VCPIP1: variants seen among roughly 807,000 people sequenced by gnomAD.
VCPIP1 encodes the protein valosin containing protein interacting protein 1.
In VCPIP1, 8 loss-of-function variants were observed where a neutral mutation model predicts 85.0. The observed-to-expected ratio is 0.09, with a 90% CI of 0.06 to 0.17. VCPIP1 has a LOEUF of 0.17. VCPIP1 is among the 10% of genes least tolerant of loss of function. The pLI, the probability that VCPIP1 is intolerant of heterozygous loss-of-function variation, is 1.00. For missense variants in VCPIP1, 1,070 were observed against 1,486.3 expected, an observed-to-expected ratio of 0.72 and a Z score of 4.61; for synonymous variants, 543 against 544.5, an observed-to-expected ratio of 1.00 and a Z score of 0.04.
chr8:66,637,145 T>A (rs1444298360), intron 2 of VCPIP1, among the ~76,000 whole-genome samples: 1 of 150,872 alleles, frequency 6.6e-6, no homozygotes, highest in Admixed American at 6.6e-5. Context: ...AGGCTAGGAG[T>A]TTGATACCAG....
At position 66,630,671 on chromosome 8, in the gene VCPIP1, T is replaced by C. The variant is rs993311051; in HGVS notation, c.*3830A>G. 5.9e-5 allele frequency: 9 copies of C among 152,630 alleles called. No individual in the cohort carries two copies. Among genetic ancestry groups the C allele is most frequent in the African/African-American group, 2.2e-4 (9 of 41,476 alleles). The allele number at this position is 152,630 out of a possible 1,614,324, so 9.5% of individuals were successfully genotyped here. A position where few individuals can be genotyped will look rare whatever the true frequency, so the allele number is the denominator to read the frequency against. On this transcript the variant is annotated 3_prime_UTR_variant, in exon 3 of 3. Transcript: ENST00000310421. ...TAGTCTCCATAATTAAAAAATTAAA[T>C]GTCAGATATACAAGTAATGGCATTT...
chr8:66,637,864 C>T (rs576849640), intron 2 of VCPIP1, among the ~76,000 whole-genome samples: 5 of 151,890 alleles, frequency 3.3e-5, no homozygotes, highest in Non-Finnish European at 7.4e-5. Context: ...CCCAGCTACT[C>T]GGGAGGCTGA....
In VCPIP1 at chr8:66,629,212, T is replaced by C. The variant is rs1431300538; in HGVS notation, c.*5289A>G. The C allele has an allele frequency of 6.6e-6, 1 of 152,146 alleles. No individual in the cohort carries two copies. Among genetic ancestry groups the C allele is most frequent in the Non-Finnish European group, 1.5e-5 (1 of 68,040 alleles). The allele number at this position is 152,146 out of a possible 1,614,324, so 9.4% of individuals were successfully genotyped here. Reference sequence around the variant, plus strand: ...AAGACAGCCACCCTGGGAGCAGATGTGATCATCATCCTCGCAGAGAGGAAT... The same window carrying C: ...AAGACAGCCACCCTGGGAGCAGATGCGATCATCATCCTCGCAGAGAGGAAT... On this transcript the variant is annotated 3_prime_UTR_variant, in exon 3 of 3. Transcript: ENST00000310421.
At chr8:66,659,597 A>G (rs1230150816) in intron 1 of VCPIP1, among the ~76,000 whole-genome samples, 1 of 152,160 alleles carries the variant, frequency 6.6e-6, no homozygotes, top group Non-Finnish European at 1.5e-5. Context: ...AATGAAAGAA[A>G]AAGCTCATGT....
At chr8:66,647,022 C>G (rs1811002195) in intron 2 of VCPIP1, among the ~76,000 whole-genome samples, 2 of 151,844 alleles carry the variant, frequency 1.3e-5, no homozygotes, top group South Asian at 4.2e-4. Context: ...AAGACTCTGT[C>G]TCAAAAATAA....
chr8:66,665,821 C>T lies in VCPIP1; in HGVS notation c.1138G>A (p.Val380Met). The change falls in exon 1 of 3, where the codon GTG (valine) becomes ATG (methionine). Residue 380 changes from valine (V) to methionine (M), a missense_variant. By Grantham distance (21) the Val-to-Met change is conservative (BLOSUM62 1). Coordinates refer to ENST00000310421, the MANE Select transcript of VCPIP1 (RefSeq NM_025054.5). The surrounding 1 kb of genome is among the most constrained non-coding windows in gnomAD (Gnocchi z 4.3). ...TACTTTTTAATAAGGTCCTGAGGCA[C>T]ACCCCATGCTTTAGGAAGCAAATTC... ...PMNLLPKAWG[V>M]PQDLIKKYIK... 3 of 1,614,218 alleles carry T rather than the reference C, an allele frequency of 1.9e-6. No individual in the cohort carries two copies. Among genetic ancestry groups the T allele is most frequent in the South Asian group, 1.1e-5 (1 of 91,084 alleles).
chr8:66,638,968 C>CTATATATATATATATATATATATATA (rs1432062184), intron 2 of VCPIP1, among the ~76,000 whole-genome samples: 1 of 127,002 alleles, frequency 7.9e-6, no homozygotes, highest in African/African-American at 3.5e-5. Flanking sequence ...CTCTCTCTCT[C>CTATATATATATATATATATATATATA]TCTATATATA....
Position 66,666,995 on chromosome 8 carries a change from C to T in VCPIP1, c.-37G>A, listed in dbSNP as rs771001598. 3 of 1,484,266 alleles carry T rather than the reference C, an allele frequency of 2.0e-6. No homozygotes were observed. The highest frequency in any genetic ancestry group is 8.9e-7 in the Non-Finnish European group (1 of 1,124,488). 91.9% of individuals were successfully genotyped at this position (1,484,266 alleles called of 1,614,324 possible). A position where few individuals can be genotyped will look rare whatever the true frequency, so the allele number is the denominator to read the frequency against. The stretch of plus-strand genomic sequence containing the variant: ...CTCGTGTCTCGCTCCGCGTCCCAGG[C>T]GACCCTCAAAAGCTCATAGCCCAGA... On this transcript the variant is annotated 5_prime_UTR_variant, in exon 1 of 3. Coordinates refer to ENST00000310421, the MANE Select transcript of VCPIP1 (RefSeq NM_025054.5). The surrounding 1 kb of genome is among the most constrained non-coding windows in gnomAD (Gnocchi z 6.3).
intron 2 of VCPIP1, among the ~76,000 whole-genome samples, chr8:66,642,721 A>G (rs1460998507): frequency 6.6e-6 from 1 of 152,242 alleles, no homozygotes; most frequent in Non-Finnish European, 1.5e-5. Context: ...CAACACAGTT[A>G]ACATTTAAAA....
chr8:66,632,123 G>A lies in VCPIP1; in HGVS notation c.*2378C>T. 1 of 150,554 alleles carries A rather than the reference G, an allele frequency of 6.6e-6. No individual in the cohort carries two copies. The highest frequency in any genetic ancestry group is 1.9e-4 in the East Asian group (1 of 5,172). The allele number at this position is 150,554 out of a possible 1,614,324, so 9.3% of individuals were successfully genotyped here. A position where few individuals can be genotyped will look rare whatever the true frequency, so the allele number is the denominator to read the frequency against. On this transcript the variant is annotated 3_prime_UTR_variant, in exon 3 of 3. Coordinates refer to ENST00000310421, the MANE Select transcript of VCPIP1 (RefSeq NM_025054.5). ...ATGTCTAGCTTGCACGCCAAGATGT[G>A]GCTATATCACAAATGGCAGTACTAG...
rs537164396 is a variant in VCPIP1 at position 66,661,664 on chromosome 8, T to C, written c.2710+2585A>G. 6.6e-4 allele frequency among the ~76,000 whole-genome samples: 99 copies of C among 150,206 alleles called. 2 individuals are homozygous for C. The highest frequency in any genetic ancestry group is 3.6e-3 in the Admixed American group (54 of 15,066). On this transcript the variant is annotated intron_variant, in intron 1 of 2. Coordinates refer to ENST00000310421, the MANE Select transcript of VCPIP1 (RefSeq NM_025054.5). The stretch of plus-strand genomic sequence containing the variant: ...GGCAGGAGAATCATTTGAACCCAGG[T>C]AGCAGAGGTTGCAATGAGCTGAGAT...
At chr8:66,644,815 A>T (rs1316730336) in intron 2 of VCPIP1, among the ~76,000 whole-genome samples, 2 of 150,940 alleles carry the variant, frequency 1.3e-5, no homozygotes, top group African/African-American at 4.9e-5. Flanking sequence ...AAAAAATTTT[A>T]GGCCAGGTGC....
chr8:66,647,665 G>T (rs1204137115), intron 2 of VCPIP1, among the ~76,000 whole-genome samples: 2 of 151,968 alleles, frequency 1.3e-5, no homozygotes, highest in African/African-American at 2.4e-5. Flanking sequence ...TCCTTTTCAG[G>T]TGTATGACTC....
chr8:66,659,396 T>C (rs1172881072), intron 1 of VCPIP1, among the ~76,000 whole-genome samples: 1 of 152,152 alleles, frequency 6.6e-6, no homozygotes, highest in Non-Finnish European at 1.5e-5. Flanking sequence ...AATTACTTTG[T>C]GGTCTGGATA....
At chr8:66,638,685 A>G (rs1810913883) in intron 2 of VCPIP1, among the ~76,000 whole-genome samples, 1 of 151,974 alleles carries the variant, frequency 6.6e-6, no homozygotes, top group Non-Finnish European at 1.5e-5. Flanking sequence ...AGGCTGAGGC[A>G]GGAGAATGGT....
intron 1 of VCPIP1, among the ~76,000 whole-genome samples, chr8:66,652,790 C>A (rs2130169484): frequency 6.6e-6 from 1 of 152,194 alleles, no homozygotes; most frequent in Middle Eastern, 3.4e-3. Context: ...TAAAGAATGG[C>A]AGGAACATAA....
At chr8:66,639,849 T>C (rs1810930176) in intron 2 of VCPIP1, among the ~76,000 whole-genome samples, 2 of 152,222 alleles carry the variant, frequency 1.3e-5, no homozygotes, top group South Asian at 4.1e-4. Context: ...TTTTGATTCT[T>C]TGACCACAGG....
chr8:66,631,149 T>A lies in VCPIP1; in HGVS notation c.*3352A>T, dbSNP rs977493464. 1.3e-5 allele frequency: 2 copies of A among 152,148 alleles called. No individual in the cohort carries two copies. The highest frequency in any genetic ancestry group is 2.4e-5 in the African/African-American group (1 of 41,442). 9.4% of individuals were successfully genotyped at this position (152,148 alleles called of 1,614,324 possible). A position where few individuals can be genotyped will look rare whatever the true frequency, so the allele number is the denominator to read the frequency against. On this transcript the variant is annotated 3_prime_UTR_variant, in exon 3 of 3. Coordinates refer to ENST00000310421, the MANE Select transcript of VCPIP1 (RefSeq NM_025054.5). Reference sequence around the variant, plus strand: ...AAAATCTTAAGATGGAAACCTTGCTTTGAGAACCATAAAACTCAAAATCTG... The same window carrying A: ...AAAATCTTAAGATGGAAACCTTGCTATGAGAACCATAAAACTCAAAATCTG...
At chr8:66,658,954 C>T (rs567428591) in intron 1 of VCPIP1, among the ~76,000 whole-genome samples, 1 of 152,230 alleles carries the variant, frequency 6.6e-6, no homozygotes, top group East Asian at 1.9e-4. Context: ...GGTTGGTACA[C>T]TTTGTAGTAA....
Sources: gnomAD v4.1 joint callset for allele counts (sites outside exome capture counted in the v4.1 genomes callset) on GRCh38, gnomAD v4.1.1 for gene constraint, Gnocchi (gnomAD v3.1) non-coding constraint, MANE v1.5 for transcripts, NCBI Gene and HGNC (gene_info 2026-07-23, HGNC 2026-07-21) for gene names.